PER3: variants seen among roughly 807,000 people sequenced by gnomAD.
PER3 encodes the protein period circadian protein homolog 3.
PER3 carries 107 observed loss-of-function variants against 127.2 expected under a neutral mutation model. The ratio of observed to expected loss-of-function variants is 0.84; its 90% CI spans 0.72 to 0.99. PER3 has a LOEUF of 0.99. Ranked by LOEUF, PER3 falls within the 50% of genes least tolerant of loss-of-function variation. The pLI is 0.00. For missense variants in PER3, 1,560 were observed against 1,525.8 expected (o/e 1.02, Z -0.37); for synonymous variants, 618 against 585.8 (o/e 1.05, Z -0.79).
rs1344426142 is a variant in PER3 at position 7,810,481 on chromosome 1, A to T, written c.1415A>T (p.Asn472Ile). 2 of 1,613,052 alleles carry T rather than the reference A, an allele frequency of 1.2e-6. No individual in the cohort carries two copies. Among genetic ancestry groups the T allele is most frequent in the South Asian group, 2.2e-5 (2 of 90,958 alleles). The change falls in exon 13 of 22, where the codon AAT becomes ATT. Residue 472 changes from asparagine (N) to isoleucine (I), a missense_variant. Physicochemically the swap from Asn to Ile is moderately radical, Grantham distance 149 (BLOSUM62 -3). Around this residue, in one of 3 missense-constraint regions of PER3, gnomAD observed 1,332 missense variants for 1,223.6 expected, o/e 1.09. Coordinates refer to ENST00000377532, the MANE Select transcript of PER3 (RefSeq NM_001377275.1). Reference protein sequence around the residue: ...QVYASVNKIKNLGQQLYIESM... With the variant: ...QVYASVNKIKILGQQLYIESM... ...TATGCCAGTGTGAACAAAATTAAAA[A>T]TCTGGGTCAGCAGCTCTACATTGAG...
rs1389214619 is a variant in PER3, at chr1:7,827,528, CCT to C, written c.2602_2603del (p.Leu868ValfsTer79). On this transcript the variant is annotated frameshift_variant, in exon 18 of 22. Coordinates refer to ENST00000377532, the MANE Select transcript of PER3 (RefSeq NM_001377275.1). LOFTEE classifies it high-confidence loss of function. ...TVFLPDPPVC[P>X]LLSPSFLPCP... ...TTTCCTGCCTGACCCCCCTGTCTGTCCTCTGTTGTCGCCATCGTTTTTGCCAT... is the reference window on the plus strand; with the variant it reads ...TTTCCTGCCTGACCCCCCTGTCTGTCCTGTTGTCGCCATCGTTTTTGCCAT... The C allele has an allele frequency of 6.2e-7, 1 of 1,614,210 alleles. No homozygotes were observed.
At chr1:7,823,064 C>G (rs142865415) in intron 16 of PER3, among the ~76,000 whole-genome samples, 1 of 152,136 alleles carries the variant, frequency 6.6e-6, no homozygotes, top group African/African-American at 2.4e-5. Flanking sequence ...AGAGCAAGAC[C>G]CTGTCTCTAA....
At chr1:7,797,066 G>C (rs1055076113) in intron 6 of PER3, among the ~76,000 whole-genome samples, 4 of 152,310 alleles carry the variant, frequency 2.6e-5, no homozygotes, top group African/African-American at 9.6e-5. Flanking sequence ...AGAGTCTGGA[G>C]TTAAGGAAAA....
chr1:7,809,982 G>A lies in PER3; in HGVS notation c.1332G>A (p.Glu444=), dbSNP rs2097212099. 2 of 1,614,094 alleles carry A rather than the reference G, an allele frequency of 1.2e-6. No individual in the cohort carries two copies. Among genetic ancestry groups the A allele is most frequent in the South Asian group, 1.1e-5 (1 of 91,086 alleles). The change falls in exon 12 of 22, where the codon GAG becomes GAA. Residue 444 remains glutamate, a synonymous_variant. Transcript: ENST00000377532. ...EQLVSIASSS[E]ASGHRVEETK... Reference sequence around the variant, plus strand: ...TTGTCAGCATCGCCTCCTCCAGTGAGGCCAGTGGGCACCGTGTGGAGGAGA... The same window carrying A: ...TTGTCAGCATCGCCTCCTCCAGTGAAGCCAGTGGGCACCGTGTGGAGGAGA...
In PER3 at chr1:7,833,439, C is replaced by G. The variant is rs754928174; in HGVS notation, c.3215-2323C>G. Among the ~76,000 whole-genome samples, 124 of 152,234 alleles carry G rather than the reference C, an allele frequency of 8.1e-4. 1 individual carries two copies. The highest frequency in any genetic ancestry group is 1.6e-3 in the Non-Finnish European group (107 of 68,014). Reference sequence around the variant, plus strand: ...TTTTTGCTTCATGTATTTTGAAGCTCTTTTATTAGGTGCATATACACTTGA... The same window carrying G: ...TTTTTGCTTCATGTATTTTGAAGCTGTTTTATTAGGTGCATATACACTTGA... On this transcript the variant is annotated intron_variant, in intron 19 of 21. Coordinates refer to ENST00000377532, the MANE Select transcript of PER3 (RefSeq NM_001377275.1).
At chr1:7,835,449 G>T (rs550091492) in intron 19 of PER3, among the ~76,000 whole-genome samples, 55 of 152,188 alleles carry the variant, frequency 3.6e-4, no homozygotes, top group African/African-American at 1.1e-3. Context: ...ATTTATAGTT[G>T]AAATAATTGA....
chr1:7,819,372 A>C lies in PER3; in HGVS notation c.1610A>C (p.Glu537Ala). The change falls in exon 14 of 22, where the codon GAG becomes GCG. Residue 537 changes from glutamate (E) to alanine (A), a missense_variant. Transcript: ENST00000377532. ...TEPCEDLRNDEHSPSYQQINC... is the reference protein window; with the variant it reads ...TEPCEDLRNDAHSPSYQQINC... ...CCCTGTGAGGATTTGAGGAACGATGAGCACAGCCCATCCTATCAACAGATC... is the reference window on the plus strand; with the variant it reads ...CCCTGTGAGGATTTGAGGAACGATGCGCACAGCCCATCCTATCAACAGATC... 6.2e-7 allele frequency: 1 copy of C among 1,613,780 alleles called. No homozygotes were observed. The highest frequency in any genetic ancestry group is 8.5e-7 in the Non-Finnish European group (1 of 1,179,634).
intron 16 of PER3, among the ~76,000 whole-genome samples, chr1:7,825,527 T>C (rs1372651340): frequency 1.3e-5 from 2 of 152,212 alleles, no homozygotes; most frequent in Non-Finnish European, 2.9e-5. Flanking sequence ...ATGGTTAATG[T>C]ACGTATGTGC....
intron 11 of PER3, 114 bp from the exon 12 acceptor site, chr1:7,809,779 A>C: frequency 1.0e-6 from 1 of 991,738 alleles, no homozygotes; most frequent in Non-Finnish European, 1.5e-6. Flanking sequence ...GCACACACCT[A>C]ATTTAGTATT....
intron 5 of PER3, among the ~76,000 whole-genome samples, chr1:7,791,771 A>G (rs1350971810): frequency 6.6e-6 from 1 of 152,152 alleles, no homozygotes; most frequent in Non-Finnish European, 1.5e-5. Flanking sequence ...AGTTCCACAG[A>G]TCTCTAGGCC....
chr1:7,793,156 G>A (rs1283644255), intron 5 of PER3, among the ~76,000 whole-genome samples: 2 of 152,094 alleles, frequency 1.3e-5, no homozygotes, highest in African/African-American at 4.8e-5. Flanking sequence ...AGTTTTCCAT[G>A]GTTCCTATAA....
At position 7,810,486 on chromosome 1, in the gene PER3, G is replaced by A. The variant is rs768954534; in HGVS notation, c.1420G>A (p.Gly474Ser). 3.1e-6 allele frequency: 5 copies of A among 1,612,652 alleles called. No individual in the cohort carries two copies. Among genetic ancestry groups the A allele is most frequent in the Non-Finnish European group, 4.2e-6 (5 of 1,179,280 alleles). The change falls in exon 13 of 22, where the codon GGT (glycine) becomes AGT (serine). Residue 474 changes from glycine to serine, a missense_variant. Around this residue, in one of 3 missense-constraint regions of PER3, gnomAD observed 1,332 missense variants for 1,223.6 expected, o/e 1.09. Transcript: ENST00000377532. The part of the protein sequence containing the change: ...YASVNKIKNL[G>S]QQLYIESMTK... ...CAGTGTGAACAAAATTAAAAATCTG[G>A]GTCAGCAGCTCTACATTGAGTCAAT...
In PER3 at chr1:7,818,106, T is replaced by G. The variant is rs540603135; in HGVS notation, c.1523-1179T>G. 3.3e-5 allele frequency among the ~76,000 whole-genome samples: 5 copies of G among 152,344 alleles called. No homozygotes were observed. In the South Asian group the frequency reaches 1.0e-3, roughly 32 times the overall value. On this transcript the variant is annotated intron_variant, in intron 13 of 21. Coordinates refer to ENST00000377532, the MANE Select transcript of PER3 (RefSeq NM_001377275.1). ...ATCGAAGGCCATCCCACTAAAGTTC[T>G]GACCCTGAACGGAAAACAACATTGA...
At chr1:7,794,702 T>G (rs924389708) in intron 6 of PER3, among the ~76,000 whole-genome samples, 2 of 152,018 alleles carry the variant, frequency 1.3e-5, no homozygotes, top group African/African-American at 4.8e-5. Context: ...AAGAGATTTA[T>G]ATTTGTGAGA....
At chr1:7,785,827 G>A (rs2097086360) in intron 3 of PER3, among the ~76,000 whole-genome samples, 1 of 152,220 alleles carries the variant, frequency 6.6e-6, no homozygotes, top group Non-Finnish European at 1.5e-5. Flanking sequence ...CTCATGTGTT[G>A]CAAGAGAGTA....
rs577157197 is a variant in PER3 at position 7,807,224 on chromosome 1, T to C, written c.1137-1669T>C. 5.9e-5 allele frequency among the ~76,000 whole-genome samples: 9 copies of C among 152,178 alleles called. 1 individual carries two copies. Among genetic ancestry groups the C allele is most frequent in the African/African-American group, 2.2e-4 (9 of 41,526 alleles). On this transcript the variant is annotated intron_variant, in intron 10 of 21. Transcript: ENST00000377532. The stretch of plus-strand genomic sequence containing the variant: ...AGTGTGTCAAGTTGTGAAATAAGGT[T>C]ATATATTCAGGTACTGCTTGCCACA...
chr1:7,809,202 AG>A (rs1253921131), intron 11 of PER3, among the ~76,000 whole-genome samples: 1 of 152,184 alleles, frequency 6.6e-6, no homozygotes, highest in African/African-American at 2.4e-5. Context: ...TATTTTTGTA[AG>A]AACCCATTGT....
Position 7,785,011 on chromosome 1 carries a change from G to T in PER3, c.128+6G>T. ...TTGGCGGACAGCAGCCACAGGTGAC[G>T]CGCTGGCTTCAGGCCGAGGGCCCCA... On this transcript the variant is annotated splice_donor_region_variant and intron_variant, in intron 2 of 21. Transcript: ENST00000377532. 6.4e-7 allele frequency: 1 copy of T among 1,571,800 alleles called. No homozygotes were observed. Among genetic ancestry groups the T allele is most frequent in the Non-Finnish European group, 8.6e-7 (1 of 1,165,586 alleles).
intron 4 of PER3, 145 bp from the exon 5 acceptor site, chr1:7,787,900 T>C (rs1027954614): frequency 1.6e-6 from 1 of 633,148 alleles, no homozygotes; most frequent in African/African-American, 1.8e-5. Context: ...GAGAAAATTA[T>C]TTGAGGAGTT....
Sources: allele counts gnomAD v4.1 joint callset (sites outside exome capture counted in the v4.1 genomes callset), GRCh38; gene constraint gnomAD v4.1.1; regional missense constraint gnomAD v4.1.1; transcripts MANE v1.5; gene names NCBI Gene and HGNC (gene_info 2026-07-23, HGNC 2026-07-21).